Variants in KCNH4 observed in about 807,000 individuals in gnomAD.
KCNH4 encodes the protein voltage-gated delayed rectifier potassium channel KCNH4.
A neutral mutation model predicts 90.7 loss-of-function variants in KCNH4; 33 were observed. The observed-to-expected ratio is 0.36, with a 90% confidence interval of 0.28 to 0.49. The LOEUF is 0.49. Among genes scored for constraint, KCNH4 ranks in the 20% least tolerant of loss-of-function variants. The pLI, the probability that KCNH4 is intolerant of heterozygous loss-of-function variation, is 0.98. For missense variants in KCNH4, 1,044 were observed against 1,387.1 expected (o/e 0.75, Z 3.93); for synonymous variants, 551 against 581.7 (o/e 0.95, Z 0.76).
chr17:42,170,760 T>C (rs1413739210), intron 7 of KCNH4, among the ~76,000 whole-genome samples: 4 of 152,172 alleles, frequency 2.6e-5, no homozygotes, highest in Non-Finnish European at 5.9e-5. Flanking sequence ...ACATGGTGCC[T>C]GGAAGGCATG....
chr17:42,181,100 C>T lies in KCNH4; in HGVS notation c.-155G>A, dbSNP rs970654000. The T allele has an allele frequency of 3.1e-6, 2 of 642,460 alleles. No individual in the cohort carries two copies. The highest frequency in any genetic ancestry group is 1.9e-5 in the African/African-American group (1 of 51,454). 39.8% of individuals were successfully genotyped at this position (642,460 alleles called of 1,614,324 possible). On this transcript the variant is annotated 5_prime_UTR_variant, in exon 1 of 17. Coordinates refer to ENST00000264661, the MANE Select transcript of KCNH4 (RefSeq NM_012285.3). The stretch of plus-strand genomic sequence containing the variant: ...CGCTGCCGCTGCCGCTGCCTCTGCT[C>T]CGAACCCCGTAGCTCTCGGCTCGGC...
rs759619099 is a variant in KCNH4 at position 42,166,415 on chromosome 17, G to C, written c.1722C>G (p.Thr574=). 1.2e-6 allele frequency: 2 copies of C among 1,614,102 alleles called. No individual in the cohort carries two copies. Among genetic ancestry groups the C allele is most frequent in the Admixed American group, 1.7e-5 (1 of 60,006 alleles). ...CLRALSLHIK[T]SFCAPGEYLL... Reference sequence around the variant, plus strand: ...GGTACTCGCCCGGAGCGCAGAACGAGGTCTTGATGTGCAGCGATAGGGCCC... The same window carrying C: ...GGTACTCGCCCGGAGCGCAGAACGACGTCTTGATGTGCAGCGATAGGGCCC... Residue 574 remains threonine (T), a synonymous_variant, in exon 10 of 17, where the codon ACC becomes ACG. Transcript: ENST00000264661.
rs922552047 is a variant in KCNH4 at position 42,165,247 on chromosome 17, C to T, written c.2085+202G>A. On this transcript the variant is annotated intron_variant, in intron 11 of 16. Coordinates refer to ENST00000264661, the MANE Select transcript of KCNH4 (RefSeq NM_012285.3). ...GTTGGGAGTAGATGGCGATGAGAGA[C>T]GGCCAGGGGCCTGGGTGATGGCCAG... is the stretch of plus-strand genomic sequence containing the variant. 4.6e-5 allele frequency among the ~76,000 whole-genome samples: 7 copies of T among 152,006 alleles called. No individual in the cohort carries two copies. In the East Asian group the frequency reaches 9.7e-4, roughly 21 times the overall value.
chr17:42,160,818 T>C (rs538357363), intron 15 of KCNH4, among the ~76,000 whole-genome samples: 1 of 152,312 alleles, frequency 6.6e-6, no homozygotes, highest in South Asian at 2.1e-4. Flanking sequence ...CTAAGAAACT[T>C]TTGAAAAGGC....
chr17:42,177,566 A>C (rs530065591), intron 4 of KCNH4, among the ~76,000 whole-genome samples: 5 of 152,270 alleles, frequency 3.3e-5, no homozygotes, highest in African/African-American at 1.2e-4. Context: ...AGGGGTACCT[A>C]ACTTCTCCCT....
At position 42,171,822 on chromosome 17, in the gene KCNH4, C is replaced by T. The variant is rs1232875107; in HGVS notation, c.1161G>A (p.Glu387=). The part of the protein sequence containing the change: ...ACIWYVIGRR[E]MEANDPLLWD... The stretch of plus-strand genomic sequence containing the variant: ...AGAGCAGCGGGTCATTGGCCTCCAT[C>T]TCCCGGCGCCCGATGACATACCAGA... Residue 387 remains glutamate, a synonymous_variant, in exon 7 of 17, where the codon GAG becomes GAA. Coordinates refer to ENST00000264661, the MANE Select transcript of KCNH4 (RefSeq NM_012285.3). 1 of 1,614,142 alleles carries T rather than the reference C, an allele frequency of 6.2e-7. No homozygotes were observed. Among genetic ancestry groups the T allele is most frequent in the Non-Finnish European group, 8.5e-7 (1 of 1,180,034 alleles).
rs1193801853 is a variant in KCNH4 at position 42,162,337 on chromosome 17, A to G, written c.2585-16T>C. On this transcript the variant is annotated splice_polypyrimidine_tract_variant and intron_variant, in intron 14 of 16. Coordinates refer to ENST00000264661, the MANE Select transcript of KCNH4 (RefSeq NM_012285.3). ...GGCCTGGTCCCTGCAGGGTGAAGGG[A>G]TGCAGGTGAGTTCATGGAGCATTAA... 1 of 1,610,762 alleles carries G rather than the reference A, an allele frequency of 6.2e-7. No homozygotes were observed. Among genetic ancestry groups the G allele is most frequent in the Non-Finnish European group, 8.5e-7 (1 of 1,177,470 alleles).
chr17:42,171,130 C>T (rs2079824236), intron 7 of KCNH4, among the ~76,000 whole-genome samples: 3 of 151,876 alleles, frequency 2.0e-5, no homozygotes, highest in Admixed American at 2.0e-4. Flanking sequence ...CCTGGAACAC[C>T]CATTTGGCTG....
At position 42,181,034 on chromosome 17, in the gene KCNH4, G is replaced by T; in HGVS notation, c.-89C>A. On this transcript the variant is annotated 5_prime_UTR_variant, in exon 1 of 17. Transcript: ENST00000264661. ...GGCGCGCTGTCGGAGGGGCCGGGGC[G>T]CCCCATGCGCCCTCCTGCCTCCTCC... 4 of 1,148,386 alleles carry T rather than the reference G, an allele frequency of 3.5e-6. No individual in the cohort carries two copies. Among genetic ancestry groups the T allele is most frequent in the Non-Finnish European group, 5.0e-6 (4 of 803,810 alleles). 71.1% of individuals were successfully genotyped at this position (1,148,386 alleles called of 1,614,324 possible).
rs372245853 is a variant in KCNH4, at chr17:42,163,578, G to A, written c.2477+28C>T. Reference sequence around the variant, plus strand: ...GGTTCTGGAAGCCAATAGGGGTTTTGGGAAAGCAGGGGAGGCTGGCGTCTC... The same window carrying A: ...GGTTCTGGAAGCCAATAGGGGTTTTAGGAAAGCAGGGGAGGCTGGCGTCTC... On this transcript the variant is annotated intron_variant, in intron 13 of 16. Coordinates refer to ENST00000264661, the MANE Select transcript of KCNH4 (RefSeq NM_012285.3). This position sits in a 1 kb window ranked among gnomAD's most constrained non-coding sequence, Gnocchi z 5.4. 6.0e-5 allele frequency: 65 copies of A among 1,077,506 alleles called. No homozygotes were observed. The highest frequency in any genetic ancestry group is 8.5e-5 in the Non-Finnish European group (63 of 737,272). The allele number at this position is 1,077,506 out of a possible 1,614,324, so 66.7% of individuals were successfully genotyped here. A position where few individuals can be genotyped will look rare whatever the true frequency, so the allele number is the denominator to read the frequency against.
rs570712473 is a variant in KCNH4 at position 42,162,533 on chromosome 17, G to A, written c.2585-212C>T. On this transcript the variant is annotated intron_variant, in intron 14 of 16. Transcript: ENST00000264661. ...CCTGCCCCTTGCCCCATCTTGGTAC[G>A]GAGCTTCTCTTTGGTGTCTGAACAC... Among the ~76,000 whole-genome samples the A allele has an allele frequency of 2.6e-5, 4 of 152,146 alleles. 1 individual carries two copies. Among genetic ancestry groups the A allele is most frequent in the Admixed American group, 2.6e-4 (4 of 15,286 alleles).
At chr17:42,159,289 A>G (rs929811945) in intron 16 of KCNH4, among the ~76,000 whole-genome samples, 1 of 152,188 alleles carries the variant, frequency 6.6e-6, no homozygotes, top group Non-Finnish European at 1.5e-5. Flanking sequence ...GGCCTCCCAA[A>G]GTGCTAGGAT....
At chr17:42,164,680 T>C (rs1016914699) in intron 11 of KCNH4, among the ~76,000 whole-genome samples, 7 of 151,522 alleles carry the variant, frequency 4.6e-5, no homozygotes, top group Admixed American at 4.6e-4. Flanking sequence ...TGCATGCCTG[T>C]CATCCCAGCT....
chr17:42,166,235 C>A, intron 10 of KCNH4, 62 bp downstream of exon 10: 1 of 1,520,226 alleles, frequency 6.6e-7, no homozygotes. Context: ...ATTCCCAAGT[C>A]CTCAGTGGGG....
At chr17:42,161,460 T>C (rs1400939869) in intron 15 of KCNH4, among the ~76,000 whole-genome samples, 1 of 152,132 alleles carries the variant, frequency 6.6e-6, no homozygotes, top group Non-Finnish European at 1.5e-5. Context: ...GTGACAACTC[T>C]GAGATCCCTT....
chr17:42,160,652 C>T (rs771352158), intron 15 of KCNH4, among the ~76,000 whole-genome samples: 1 of 152,192 alleles, frequency 6.6e-6, no homozygotes, highest in Admixed American at 6.5e-5. Context: ...CCCCTACACA[C>T]ACACGCGCGC....
chr17:42,163,404 G>A lies in KCNH4; in HGVS notation c.2478-70C>T. On this transcript the variant is annotated intron_variant, in intron 13 of 16. Transcript: ENST00000264661. This position sits in a 1 kb window ranked among gnomAD's most constrained non-coding sequence, Gnocchi z 5.4. Reference sequence around the variant, plus strand: ...GGGCCAGAGCAGAGCAGACAGAGGGGGACTGGGGGCAGCAGTGCCAGGGGG... The same window carrying A: ...GGGCCAGAGCAGAGCAGACAGAGGGAGACTGGGGGCAGCAGTGCCAGGGGG... The A allele has an allele frequency of 8.5e-7, 1 of 1,171,380 alleles. No homozygotes were observed. The highest frequency in any genetic ancestry group is 1.3e-6 in the Non-Finnish European group (1 of 796,448). The allele number at this position is 1,171,380 out of a possible 1,614,324, so 72.6% of individuals were successfully genotyped here.
intron 6 of KCNH4, among the ~76,000 whole-genome samples, chr17:42,173,233 C>T (rs1318124114): frequency 1.3e-5 from 2 of 151,926 alleles, no homozygotes; most frequent in African/African-American, 4.8e-5. Flanking sequence ...CCCCTCATTG[C>T]CCCTTCCTGG....
rs1439416573 is a variant in KCNH4 at position 42,163,905 on chromosome 17, T to C, written c.2178A>G (p.Thr726=). Residue 726 remains threonine, a synonymous_variant, in exon 13 of 17, where the codon ACA becomes ACG. Coordinates refer to ENST00000264661, the MANE Select transcript of KCNH4 (RefSeq NM_012285.3). The surrounding 1 kb of genome is among the most constrained non-coding windows in gnomAD (Gnocchi z 5.4). ...SSSDKTLPSI[T]EAESGAEPGG... ...CAGGCTCCGCGCCACTCTCGGCCTC[T>C]GTGATGGATGGCAGCGTCTTGTCTG... 4.5e-6 allele frequency: 7 copies of C among 1,547,088 alleles called. No homozygotes were observed. Among genetic ancestry groups the C allele is most frequent in the Non-Finnish European group, 6.1e-6 (7 of 1,146,246 alleles).
Sources: gnomAD v4.1 joint callset for allele counts (sites outside exome capture counted in the v4.1 genomes callset) on GRCh38, gnomAD v4.1.1 for gene constraint, Gnocchi (gnomAD v3.1) non-coding constraint, MANE v1.5 for transcripts, NCBI Gene and HGNC (gene_info 2026-07-23, HGNC 2026-07-21) for gene names.